Variants in TBC1D2 observed in about 807,000 individuals in gnomAD.
The protein encoded by TBC1D2 is TBC1 domain family member 2A.
In TBC1D2, 58 loss-of-function variants were observed where a neutral mutation model predicts 91.1. That is an observed-to-expected ratio of 0.64 (90% CI 0.52 to 0.79). The LOEUF (loss-of-function observed/expected upper bound fraction) is 0.79, where lower values mean the gene tolerates loss of function less well. Ranked by LOEUF, TBC1D2 falls within the 30% of genes least tolerant of loss-of-function variation. TBC1D2 has a pLI of 0.00. For synonymous variants in TBC1D2, 482 were observed against 511.5 expected (o/e 0.94, Z 0.78); for missense variants, 1,080 against 1,208.3 (o/e 0.89, Z 1.57).
At chr9:98,218,293 G>A (rs904585988) in intron 6 of TBC1D2, among the ~76,000 whole-genome samples, 1 of 152,054 alleles carries the variant, frequency 6.6e-6, no homozygotes, top group Non-Finnish European at 1.5e-5. Flanking sequence ...ATGGCCAGGT[G>A]CGGTGGCTCA....
At chr9:98,247,728 C>CAAAAAAAAAAAAAAA (rs58713846) in intron 2 of TBC1D2, among the ~76,000 whole-genome samples, 14 of 70,844 alleles carry the variant, frequency 2.0e-4, no homozygotes, top group Non-Finnish European at 3.3e-4. Context: ...GACTCCGTCT[C>CAAAAAAAAAAAAAAA]AAAAAAAAAA....
At chr9:98,239,553 T>C (rs1194518096) in intron 3 of TBC1D2, among the ~76,000 whole-genome samples, 2 of 152,258 alleles carry the variant, frequency 1.3e-5, no homozygotes, top group African/African-American at 4.8e-5. Flanking sequence ...CCTTTTTATA[T>C]GCTGCTGAAT....
intron 2 of TBC1D2, 142 bp downstream of exon 2, chr9:98,251,643 C>A (rs1829875744): frequency 7.7e-7 from 1 of 1,291,168 alleles, no homozygotes; most frequent in East Asian, 3.1e-5. Context: ...AGCCCAAATT[C>A]TTGCCCTAAC....
intron 5 of TBC1D2, among the ~76,000 whole-genome samples, chr9:98,223,684 C>T (rs1829153116): frequency 1.3e-5 from 2 of 152,238 alleles, no homozygotes; most frequent in African/African-American, 4.8e-5. Context: ...CTAGCTGTCT[C>T]CTTCCCGCAT....
chr9:98,242,809 T>G (rs2062208217), intron 3 of TBC1D2, among the ~76,000 whole-genome samples: 1 of 79,914 alleles, frequency 1.3e-5, no homozygotes, highest in Non-Finnish European at 2.9e-5. Flanking sequence ...CTGCCTTTTT[T>G]TTTTTTTTTT....
At chr9:98,204,215 G>C (rs1828588927) in intron 9 of TBC1D2, among the ~76,000 whole-genome samples, 1 of 152,176 alleles carries the variant, frequency 6.6e-6, no homozygotes, top group Admixed American at 6.5e-5. Flanking sequence ...GTCTTCCAGG[G>C]ACTACTGGTC....
intron 5 of TBC1D2, among the ~76,000 whole-genome samples, chr9:98,225,898 C>A (rs2119108225): frequency 6.6e-6 from 1 of 152,368 alleles, no homozygotes; most frequent in South Asian, 2.1e-4. Context: ...ATGGCCAGAT[C>A]AGCTAGGATA....
chr9:98,210,982 G>A, intron 7 of TBC1D2, 139 bp from the exon 8 acceptor site: 1 of 825,248 alleles, frequency 1.2e-6, no homozygotes, highest in Non-Finnish European at 1.9e-6. Flanking sequence ...CTTCGTATAA[G>A]GGAAAGGAGA....
chr9:98,213,118 A>T lies in TBC1D2; in HGVS notation c.1475T>A (p.Leu492His), dbSNP rs549875873. 2.4e-5 allele frequency: 38 copies of T among 1,614,128 alleles called. No individual in the cohort carries two copies. The East Asian group carries it at 7.6e-4, about 32-fold the overall frequency. ...GGCCCCACCCCGCACCTTCGTCAGAAGGGCCTTCTCCTTCTCAGCCACCTT... is the reference window on the plus strand; with the variant it reads ...GGCCCCACCCCGCACCTTCGTCAGATGGGCCTTCTCCTTCTCAGCCACCTT... ...WRKVAEKEKA[L>H]LTKCAYLQAR... Residue 492 changes from leucine (L) to histidine (H), a missense_variant, in exon 7 of 13, where the codon CTT becomes CAT. By Grantham distance (99) the Leu-to-His change is moderately conservative. Coordinates refer to ENST00000465784, the MANE Select transcript of TBC1D2 (RefSeq NM_001267571.2).
At chr9:98,238,940 C>T (rs1173952874) in intron 3 of TBC1D2, among the ~76,000 whole-genome samples, 3 of 152,118 alleles carry the variant, frequency 2.0e-5, no homozygotes, top group Non-Finnish European at 4.4e-5. Context: ...CCAGGCTGGT[C>T]TCAAACTCCT....
At chr9:98,248,481 G>A (rs1829810597) in intron 2 of TBC1D2, among the ~76,000 whole-genome samples, 1 of 152,238 alleles carries the variant, frequency 6.6e-6, no homozygotes. Flanking sequence ...GACAAAAAAA[G>A]GGCCTGACCC....
chr9:98,255,062 G>A (rs1829944085), intron 1 of TBC1D2, 111 bp downstream of exon 1: 5 of 1,478,530 alleles, frequency 3.4e-6, no homozygotes, highest in East Asian at 4.7e-5. Flanking sequence ...TGGAACTGTC[G>A]TCACCGACAC....
At position 98,199,263 on chromosome 9, in the gene TBC1D2, CA is replaced by C; in HGVS notation, c.*117del. The C allele has an allele frequency of 9.1e-7, 1 of 1,104,202 alleles. No individual in the cohort carries two copies. Among genetic ancestry groups the C allele is most frequent in the Non-Finnish European group, 1.3e-6 (1 of 752,826 alleles). The allele number at this position is 1,104,202 out of a possible 1,614,324, so 68.4% of individuals were successfully genotyped here. A position where few individuals can be genotyped will look rare whatever the true frequency, so the allele number is the denominator to read the frequency against. ...ACTGAGGGCCAGAGAGGGGAAGGGA[CA>C]TGTCCAAGGTCACATGGTGATGGGA... On this transcript the variant is annotated 3_prime_UTR_variant, in exon 13 of 13. Transcript: ENST00000465784.
chr9:98,207,131 GGAGTTT>G (rs918311839), intron 9 of TBC1D2, among the ~76,000 whole-genome samples: 10 of 152,092 alleles, frequency 6.6e-5, no homozygotes, highest in Admixed American at 2.6e-4. Flanking sequence ...CATTACTGTT[GGAGTTT>G]AACTCTTAAT....
At position 98,217,331 on chromosome 9, in the gene TBC1D2, C is replaced by A. The variant is rs553728432; in HGVS notation, c.1374+3502G>T. Among the ~76,000 whole-genome samples, 15 of 152,360 alleles carry A rather than the reference C, an allele frequency of 9.8e-5. No individual in the cohort carries two copies. The South Asian group carries it at 3.1e-3, about 32-fold the overall frequency. ...CCCGGGAATTCTCTTTGGGCCATGC[C>A]CATGGACTAGGCCCTGTGCTGTGTG... is the stretch of plus-strand genomic sequence containing the variant. On this transcript the variant is annotated intron_variant, in intron 6 of 12. Coordinates refer to ENST00000465784, the MANE Select transcript of TBC1D2 (RefSeq NM_001267571.2).
Position 98,228,968 on chromosome 9 carries a change from T to A in TBC1D2, c.962A>T (p.Glu321Val), listed in dbSNP as rs756478282. 5.9e-5 allele frequency: 96 copies of A among 1,614,044 alleles called. No homozygotes were observed. Among genetic ancestry groups the A allele is most frequent in the Non-Finnish European group, 7.5e-5 (89 of 1,180,010 alleles). ...AGACCTCACCTTCTGAGACTTTAACTCCTTGGTGAGCATCAGAACCTGTTG... is the reference window on the plus strand; with the variant it reads ...AGACCTCACCTTCTGAGACTTTAACACCTTGGTGAGCATCAGAACCTGTTG... Reference protein sequence around the residue: ...LEQQVLMLTKELKSQKELVKI... With the variant: ...LEQQVLMLTKVLKSQKELVKI... Residue 321 changes from glutamate to valine, a missense_variant, in exon 5 of 13, where the codon GAG becomes GTG. Transcript: ENST00000465784. This position sits in a 1 kb window ranked among gnomAD's most constrained non-coding sequence, Gnocchi z 4.0.
Position 98,229,004 on chromosome 9 carries a change from G to A in TBC1D2, c.926C>T (p.Ala309Val), listed in dbSNP as rs773998480. The change falls in exon 5 of 13, where the codon GCA becomes GTA. Residue 309 changes from alanine to valine, a missense_variant. By Grantham distance (64) the Ala-to-Val change is moderately conservative. Coordinates refer to ENST00000465784, the MANE Select transcript of TBC1D2 (RefSeq NM_001267571.2). ...CATCAGAACCTGTTGCTCCAAGGCT[G>A]CCACTTTCTCCTGGGCAGTTCGGTT... is the stretch of plus-strand genomic sequence containing the variant. Reference protein sequence around the residue: ...TRNRTAQEKVAALEQQVLMLT... With the variant: ...TRNRTAQEKVVALEQQVLMLT... 2 of 1,614,206 alleles carry A rather than the reference G, an allele frequency of 1.2e-6. No homozygotes were observed. Among genetic ancestry groups the A allele is most frequent in the Non-Finnish European group, 1.7e-6 (2 of 1,180,040 alleles).
intron 5 of TBC1D2, among the ~76,000 whole-genome samples, chr9:98,223,252 A>G (rs1163200916): frequency 6.6e-6 from 1 of 152,240 alleles, no homozygotes; most frequent in Non-Finnish European, 1.5e-5. Flanking sequence ...GAGATGGTCG[A>G]GCAGCAGGTG....
chr9:98,228,935 C>G lies in TBC1D2; in HGVS notation c.978+17G>C. The stretch of plus-strand genomic sequence containing the variant: ...GGGTCCACTGGAACCTGGGGCCTCC[C>G]TGGGACCAGACCTCACCTTCTGAGA... On this transcript the variant is annotated intron_variant, in intron 5 of 12. Transcript: ENST00000465784. This position sits in a 1 kb window ranked among gnomAD's most constrained non-coding sequence, Gnocchi z 4.0. 6.2e-7 allele frequency: 1 copy of G among 1,609,860 alleles called. No homozygotes were observed. Among genetic ancestry groups the G allele is most frequent in the Non-Finnish European group, 8.5e-7 (1 of 1,177,066 alleles).
Sources: allele counts gnomAD v4.1 joint callset (sites outside exome capture counted in the v4.1 genomes callset), GRCh38; gene constraint gnomAD v4.1.1; non-coding constraint Gnocchi (gnomAD v3.1); transcripts MANE v1.5; gene names NCBI Gene and HGNC (gene_info 2026-07-23, HGNC 2026-07-21).